NEXMIF: variants seen among roughly 807,000 people sequenced by gnomAD.
NEXMIF encodes XLMR protein related to neurite extension.
Under a neutral mutation model 62.1 loss-of-function variants are expected in NEXMIF, and 8 were observed. The ratio of observed to expected loss-of-function variants is 0.13; its 90% CI spans 0.08 to 0.23. The LOEUF is 0.23. Ranked by LOEUF, NEXMIF falls within the 10% of genes least tolerant of loss-of-function variation. The pLI, the probability that NEXMIF is intolerant of heterozygous loss-of-function variation, is 1.00. For missense variants in NEXMIF, 976 were observed against 1,113.3 expected (o/e 0.88, Z 1.75); for synonymous variants, 404 against 416.6 (o/e 0.97, Z 0.37).
chrX:74,881,337 C>T (rs1232302269), intron 1 of NEXMIF, among the ~76,000 whole-genome samples: 1 of 108,168 alleles, frequency 9.2e-6, no homozygotes, highest in Non-Finnish European at 1.9e-5. Flanking sequence ...ACTCTGAGGG[C>T]TTTCCTACAT....
At chrX:74,894,446 C>CA (rs1336332710) in intron 1 of NEXMIF, among the ~76,000 whole-genome samples, 66 of 111,251 alleles carry the variant, frequency 5.9e-4, no homozygotes, top group Admixed American at 2.8e-3. Context: ...CAGACTATGC[C>CA]AAAAAATAAA....
intron 1 of NEXMIF, among the ~76,000 whole-genome samples, chrX:74,920,806 G>C (rs929658757): frequency 9.0e-6 from 1 of 111,386 alleles, no homozygotes; most frequent in African/African-American, 3.3e-5. Flanking sequence ...AGGATGACTT[G>C]GCACTACTTT....
Position 74,742,013 on chromosome X carries a change from G to A in NEXMIF, c.2544C>T (p.Thr848=), listed in dbSNP as rs139924662. Residue 848 remains threonine, a synonymous_variant, in exon 3 of 4, where the codon ACC becomes ACT. Transcript: ENST00000055682. ...PEQNEGSLTQ[T]EKSFVPLQPT... Reference sequence around the variant, plus strand: ...GCTGGAGGGGTACAAATGATTTTTCGGTTTGAGTGAGGCTGCCTTCATTTT... The same window carrying A: ...GCTGGAGGGGTACAAATGATTTTTCAGTTTGAGTGAGGCTGCCTTCATTTT... The A allele has an allele frequency of 7.0e-5, 85 of 1,209,877 alleles. No individual in the cohort carries two copies. The highest frequency in any genetic ancestry group is 2.4e-4 in the Admixed American group (11 of 45,740).
At chrX:74,800,959 C>T (rs1228260746) in intron 1 of NEXMIF, among the ~76,000 whole-genome samples, 1 of 111,235 alleles carries the variant, frequency 9.0e-6, no homozygotes, top group Non-Finnish European at 1.9e-5. Flanking sequence ...ATGCTCTGTG[C>T]TCCACCTACT....
At chrX:74,804,445 T>C (rs2080339074) in intron 1 of NEXMIF, among the ~76,000 whole-genome samples, 1 of 112,047 alleles carries the variant, frequency 8.9e-6, no homozygotes, top group African/African-American at 3.2e-5. Context: ...GTACAGCTGC[T>C]GGTTATTCAA....
chrX:74,892,185 A>T (rs2080719916), intron 1 of NEXMIF, among the ~76,000 whole-genome samples: 1 of 112,332 alleles, frequency 8.9e-6, no homozygotes, highest in African/African-American at 3.2e-5. Context: ...CCAAAGAAAT[A>T]TTCTCAATTC....
At chrX:74,919,499 G>A (rs1369614180) in intron 1 of NEXMIF, among the ~76,000 whole-genome samples, 1 of 111,490 alleles carries the variant, frequency 9.0e-6, no homozygotes, top group Non-Finnish European at 1.9e-5. Flanking sequence ...GGACATTTTT[G>A]AGGGTAAAAT....
intron 1 of NEXMIF, among the ~76,000 whole-genome samples, chrX:74,801,011 A>C (rs2080328017): frequency 9.0e-6 from 1 of 111,333 alleles, no homozygotes; most frequent in Non-Finnish European, 1.9e-5. Context: ...GTAACCACTG[A>C]ATTTTTTTTT....
At position 74,876,449 on chromosome X, in the gene NEXMIF, G is replaced by GA. The variant is rs746051128; in HGVS notation, c.-48+48433dup. Among the ~76,000 whole-genome samples, 193 of 111,477 alleles carry GA rather than the reference G, an allele frequency of 1.7e-3. 1 individual carries two copies. Among genetic ancestry groups the GA allele is most frequent in the Admixed American group, 0.013 (133 of 10,458 alleles). On this transcript the variant is annotated intron_variant, in intron 1 of 3. Transcript: ENST00000055682. ...TTTGGAATAGGTGTAGTGTGGTGCT[G>GA]AAAAAAATGTATATTCTGTGGATTT...
rs1171671688 is a variant in NEXMIF at position 74,796,295 on chromosome X, T to TAC, written c.-47-50599_-47-50598insGT. 3.2e-3 allele frequency among the ~76,000 whole-genome samples: 38 copies of TAC among 11,727 alleles called. 2 individuals are homozygous for TAC. The Admixed American group carries it at 0.077, about 24-fold the overall frequency. 10.2% of individuals were successfully genotyped at this position (11,727 alleles called of 115,157 possible). ...ATATACATATATATTATATATATTATATATATATACACACACACACACAAT... is the reference window on the plus strand; with the variant it reads ...ATATACATATATATTATATATATTATACATATATATACACACACACACACAAT... On this transcript the variant is annotated intron_variant, in intron 1 of 3. Transcript: ENST00000055682.
intron 1 of NEXMIF, among the ~76,000 whole-genome samples, chrX:74,826,655 C>T (rs2080418769): frequency 1.8e-5 from 2 of 110,587 alleles, no homozygotes; most frequent in South Asian, 7.8e-4. Context: ...TTGTTGTCTG[C>T]ACTTTTGGGG....
chrX:74,884,381 G>A (rs1041912812), intron 1 of NEXMIF, among the ~76,000 whole-genome samples: 1 of 111,629 alleles, frequency 9.0e-6, no homozygotes. Context: ...ACCCATCAGT[G>A]TGCTGTATTC....
At chrX:74,872,944 TTA>T (rs1365965530) in intron 1 of NEXMIF, among the ~76,000 whole-genome samples, 7 of 110,603 alleles carry the variant, frequency 6.3e-5, no homozygotes, top group East Asian at 2.8e-4. Flanking sequence ...TTTTATTTTT[TTA>T]GTTTTTATTT....
intron 1 of NEXMIF, among the ~76,000 whole-genome samples, chrX:74,764,896 T>A (rs1483976040): frequency 8.9e-6 from 1 of 111,886 alleles, no homozygotes; most frequent in Non-Finnish European, 1.9e-5. Flanking sequence ...GAATGTATAT[T>A]CTGTTGTTTT....
At chrX:74,842,375 A>G (rs2080476813) in intron 1 of NEXMIF, among the ~76,000 whole-genome samples, 1 of 111,566 alleles carries the variant, frequency 9.0e-6, no homozygotes, top group South Asian at 3.7e-4. Flanking sequence ...TTTCTTCTTT[A>G]TTAGTCTAGC....
chrX:74,888,218 A>G lies in NEXMIF; in HGVS notation c.-48+36665T>C, dbSNP rs1027943520. On this transcript the variant is annotated intron_variant, in intron 1 of 3. Coordinates refer to ENST00000055682, the MANE Select transcript of NEXMIF (RefSeq NM_001008537.3). ...GAGGATTTAATGGGTGCAGCACACA[A>G]ACATGGCACATGTATACATATGTAA... Among the ~76,000 whole-genome samples the G allele has an allele frequency of 3.5e-4, 38 of 109,355 alleles. No homozygotes were observed. The Admixed American group carries it at 3.7e-3, about 11-fold the overall frequency. The allele number at this position is 109,355 out of a possible 115,157, so 95.0% of individuals were successfully genotyped here.
At chrX:74,794,056 AT>A in intron 1 of NEXMIF, among the ~76,000 whole-genome samples, 1 of 91,134 alleles carries the variant, frequency 1.1e-5, no homozygotes, top group East Asian at 3.7e-4. Flanking sequence ...GGCGCTCTGC[AT>A]TTTAGAGTTT....
chrX:74,810,200 ATC>A (rs2080356243), intron 1 of NEXMIF, among the ~76,000 whole-genome samples: 1 of 112,070 alleles, frequency 8.9e-6, no homozygotes, highest in Non-Finnish European at 1.9e-5. Flanking sequence ...CAGAAAGCTT[ATC>A]TCAGGAGTAA....
At chrX:74,830,927 T>C (rs2080434329) in intron 1 of NEXMIF, among the ~76,000 whole-genome samples, 1 of 111,212 alleles carries the variant, frequency 9.0e-6, no homozygotes, top group Non-Finnish European at 1.9e-5. Flanking sequence ...ACTGAATTTG[T>C]TTATCAGTTC....
Sources: allele counts gnomAD v4.1 joint callset (sites outside exome capture counted in the v4.1 genomes callset), GRCh38; gene constraint gnomAD v4.1.1; transcripts MANE v1.5; gene names NCBI Gene and HGNC (gene_info 2026-07-23, HGNC 2026-07-21).